Variants in SEC14L5 observed in about 807,000 individuals in gnomAD.
The protein encoded by SEC14L5 is SEC14 like lipid binding 5.
A neutral mutation model predicts 84.6 loss-of-function variants in SEC14L5; 96 were observed. The observed-to-expected ratio is 1.13, with a 90% CI of 0.96 to 1.34. The LOEUF (loss-of-function observed/expected upper bound fraction) is 1.34, where lower values mean the gene tolerates loss of function less well. SEC14L5 is among the 40% of genes most tolerant of loss of function. The pLI, the probability that SEC14L5 is intolerant of heterozygous loss-of-function variation, is 0.00. For missense variants in SEC14L5, 1,224 were observed against 942.5 expected, an observed-to-expected ratio of 1.30 and a Z score of -3.91; for synonymous variants, 546 against 383.4, an observed-to-expected ratio of 1.42 and a Z score of -4.95.
chr16:4,960,003 G>A (rs1396787318), intron 2 of SEC14L5, among the ~76,000 whole-genome samples: 1 of 152,122 alleles, frequency 6.6e-6, no homozygotes, highest in African/African-American at 2.4e-5. Flanking sequence ...ACACTGGGAC[G>A]AGAGAGAGAA....
chr16:4,980,991 C>T (rs1955416333), intron 2 of SEC14L5, among the ~76,000 whole-genome samples: 1 of 151,716 alleles, frequency 6.6e-6, no homozygotes, highest in South Asian at 2.1e-4. Context: ...CGCAGCAAAG[C>T]TGGCGTGGCT....
At chr16:4,994,743 C>G (rs527432444) in intron 6 of SEC14L5, among the ~76,000 whole-genome samples, 148 of 151,870 alleles carry the variant, frequency 9.7e-4, no homozygotes, top group African/African-American at 3.5e-3. Context: ...TCTCTGTGGC[C>G]TGGTCCCCTG....
At chr16:4,983,085 C>G (rs1393775012) in intron 2 of SEC14L5, among the ~76,000 whole-genome samples, 3 of 152,088 alleles carry the variant, frequency 2.0e-5, no homozygotes, top group Non-Finnish European at 2.9e-5. Flanking sequence ...TTACTGTAAC[C>G]TCTGCTTCCT....
intron 5 of SEC14L5, among the ~76,000 whole-genome samples, chr16:4,991,110 G>A (rs1372505116): frequency 6.7e-6 from 1 of 148,318 alleles, no homozygotes; most frequent in Non-Finnish European, 1.5e-5. Context: ...GGCACCATGA[G>A]ATGTCCAGGC....
intron 2 of SEC14L5, among the ~76,000 whole-genome samples, chr16:4,970,723 A>C (rs1179838321): frequency 6.6e-6 from 1 of 152,064 alleles, no homozygotes; most frequent in Non-Finnish European, 1.5e-5. Context: ...AGTGCCGGAG[A>C]GGCCAGTCAT....
chr16:4,979,323 AG>A (rs747251064), intron 2 of SEC14L5, among the ~76,000 whole-genome samples: 1 of 152,274 alleles, frequency 6.6e-6, no homozygotes, highest in African/African-American at 2.4e-5. Context: ...TCTGACTGCA[AG>A]GGGGTCAAAT....
chr16:5,000,990 A>G, intron 10 of SEC14L5, 65 bp downstream of exon 10: 2 of 1,266,072 alleles, frequency 1.6e-6, no homozygotes, highest in Non-Finnish European at 2.3e-6. Flanking sequence ...AGAGGGGTCC[A>G]CTGTGCATAT....
At chr16:4,959,514 C>G (rs1030643992) in intron 2 of SEC14L5, 128 bp downstream of exon 2, 2 of 805,688 alleles carry the variant, frequency 2.5e-6, no homozygotes, top group African/African-American at 1.7e-5. Flanking sequence ...CTCAGCTGAC[C>G]TGGTGGGTTT....
chr16:5,003,779 C>T (rs1289627238), intron 11 of SEC14L5, among the ~76,000 whole-genome samples: 3 of 152,226 alleles, frequency 2.0e-5, no homozygotes, highest in African/African-American at 7.2e-5. Flanking sequence ...CAATTGTCAC[C>T]ACTAGCCAAT....
intron 4 of SEC14L5, among the ~76,000 whole-genome samples, chr16:4,990,069 TA>T (rs1955536237): frequency 6.6e-6 from 1 of 151,468 alleles, no homozygotes; most frequent in Non-Finnish European, 1.5e-5. Flanking sequence ...AATATACAAC[TA>T]TTTAAAAAAT....
intron 13 of SEC14L5, 115 bp from the exon 14 acceptor site, chr16:5,008,306 T>C: frequency 2.8e-6 from 2 of 715,870 alleles, no homozygotes; most frequent in Non-Finnish European, 4.9e-6. Context: ...GGAATGAGCG[T>C]GTGCCTGGGA....
At chr16:5,004,600 A>G (rs1362489764) in intron 11 of SEC14L5, among the ~76,000 whole-genome samples, 2 of 151,906 alleles carry the variant, frequency 1.3e-5, no homozygotes, top group Admixed American at 6.6e-5. Context: ...GCAGGGAGCT[A>G]CTGGGGGTCA....
chr16:5,002,337 C>T (rs1050343655), intron 10 of SEC14L5, among the ~76,000 whole-genome samples: 1 of 144,140 alleles, frequency 6.9e-6, no homozygotes. Flanking sequence ...CGTTCTGTCG[C>T]CCAGGCTGGA....
chr16:5,013,111 T>C (rs1955825836), intron 15 of SEC14L5, among the ~76,000 whole-genome samples: 1 of 152,008 alleles, frequency 6.6e-6, no homozygotes, highest in South Asian at 2.1e-4. Flanking sequence ...AAGAAGACCA[T>C]GGGGGAAACT....
intron 15 of SEC14L5, among the ~76,000 whole-genome samples, chr16:5,013,016 A>G (rs1955824020): frequency 6.6e-6 from 1 of 152,174 alleles, no homozygotes; most frequent in Admixed American, 6.6e-5. Context: ...TCATGGCGGA[A>G]GGCAAAGGGT....
At chr16:4,987,169 G>C (rs1955496837) in intron 2 of SEC14L5, among the ~76,000 whole-genome samples, 1 of 151,386 alleles carries the variant, frequency 6.6e-6, no homozygotes, top group Non-Finnish European at 1.5e-5. Context: ...ACCAGGCGGA[G>C]GAAGTGCCCT....
At chr16:4,973,911 T>A (rs1955308585) in intron 2 of SEC14L5, among the ~76,000 whole-genome samples, 1 of 152,010 alleles carries the variant, frequency 6.6e-6, no homozygotes. Context: ...CTTGAACTCC[T>A]CACCTCAGGT....
At chr16:5,007,831 C>G (rs939291014) in intron 13 of SEC14L5, among the ~76,000 whole-genome samples, 31 of 151,550 alleles carry the variant, frequency 2.0e-4, no homozygotes, top group African/African-American at 7.0e-4. Flanking sequence ...GTCTTGAAAT[C>G]CTGAGGTCAG....
chr16:4,996,232 GTT>G, intron 6 of SEC14L5, 114 bp from the exon 7 acceptor site: 2 of 656,844 alleles, frequency 3.0e-6, no homozygotes, highest in Non-Finnish European at 5.5e-6. Flanking sequence ...GCTTAGCCTG[GTT>G]TGGAACCACG....
Sources: allele counts gnomAD v4.1 joint callset (sites outside exome capture counted in the v4.1 genomes callset), GRCh38; gene constraint gnomAD v4.1.1; transcripts MANE v1.5; gene names NCBI Gene and HGNC (gene_info 2026-07-23, HGNC 2026-07-21).